SERPINB7: variants seen among roughly 807,000 people sequenced by gnomAD.
The protein encoded by SERPINB7 is serpin family B member 7.
In SERPINB7, 31 loss-of-function variants were observed where a neutral mutation model predicts 37.4. That is an observed-to-expected ratio of 0.83 (90% CI 0.62 to 1.12). The LOEUF is 1.12. Ranked by LOEUF, SERPINB7 falls within the 50% of genes most tolerant of loss-of-function variation. The probability of loss-of-function intolerance (pLI) is 0.00; values close to 1 mark genes in which losing one functional copy is unlikely to be tolerated. For synonymous variants in SERPINB7, 163 were observed against 166.1 expected, an observed-to-expected ratio of 0.98 and a Z score of 0.14; for missense variants, 521 against 455.3, an observed-to-expected ratio of 1.14 and a Z score of -1.31.
chr18:63,755,047 C>T (rs2049113811), intron 1 of SERPINB7, among the ~76,000 whole-genome samples: 1 of 151,992 alleles, frequency 6.6e-6, no homozygotes, highest in Non-Finnish European at 1.5e-5. Context: ...CTACAGGCGC[C>T]CGCCACCGCG....
At chr18:63,801,164 C>A in intron 7 of SERPINB7, 152 bp downstream of exon 7, 4 of 740,586 alleles carry the variant, frequency 5.4e-6, no homozygotes, top group South Asian at 3.8e-5. Flanking sequence ...TTAAGGGGTA[C>A]CTAGTATGAG....
intron 2 of SERPINB7, among the ~76,000 whole-genome samples, chr18:63,789,487 G>T (rs762952644): frequency 2.6e-5 from 4 of 152,088 alleles, no homozygotes; most frequent in Non-Finnish European, 5.9e-5. Flanking sequence ...GGAGTGGAAG[G>T]TCCCTGTTGA....
At chr18:63,753,548 C>T (rs909130180) in intron 1 of SERPINB7, among the ~76,000 whole-genome samples, 1 of 152,130 alleles carries the variant, frequency 6.6e-6, no homozygotes, top group African/African-American at 2.4e-5. Flanking sequence ...CACAGACCTA[C>T]TGATTAAATA....
chr18:63,802,692 A>C (rs1359562075), intron 7 of SERPINB7, among the ~76,000 whole-genome samples: 1 of 152,166 alleles, frequency 6.6e-6, no homozygotes, highest in African/African-American at 2.4e-5. Context: ...AATAATGAAT[A>C]TTTGCTGTGG....
At chr18:63,800,808 G>A in intron 6 of SERPINB7, 58 bp from the exon 7 acceptor site, 1 of 1,579,352 alleles carries the variant, frequency 6.3e-7, no homozygotes, top group African/African-American at 1.4e-5. Context: ...ATATGTATTT[G>A]GTTAATAAAG....
At chr18:63,773,930 A>T (rs2049226643), upstream of SERPINB7, among the ~76,000 whole-genome samples, 1 of 152,134 alleles carries the variant, frequency 6.6e-6, no homozygotes, top group Non-Finnish European at 1.5e-5. Flanking sequence ...TATGTGTGTC[A>T]CGTGGGTCCC....
chr18:63,786,210 G>GTA (rs143561199), intron 2 of SERPINB7, among the ~76,000 whole-genome samples: 8,516 of 64,250 alleles, frequency 0.13, 1,284 homozygotes, highest in Non-Finnish European at 0.19. Context: ...GCACATACGT[G>GTA]TATATATATA....
At chr18:63,793,378 G>T in intron 4 of SERPINB7, 101 bp downstream of exon 4, 1 of 564,722 alleles carries the variant, frequency 1.8e-6, no homozygotes, top group Admixed American at 3.0e-5. Context: ...AGATGGTTTT[G>T]TTTCTCATTG....
chr18:63,789,272 G>A (rs2049402833), intron 2 of SERPINB7, among the ~76,000 whole-genome samples: 1 of 152,062 alleles, frequency 6.6e-6, no homozygotes, highest in African/African-American at 2.4e-5. Context: ...GTTCAAGCTG[G>A]CCACTGCTCA....
chr18:63,783,563 C>T (rs9948584), intron 2 of SERPINB7, among the ~76,000 whole-genome samples: 7,271 of 152,238 alleles, frequency 0.048, 619 homozygotes, highest in African/African-American at 0.17. Flanking sequence ...ATCATCACCA[C>T]CTTCACCGCC....
chr18:63,760,963 A>G (rs1310874363), intron 1 of SERPINB7, among the ~76,000 whole-genome samples: 8 of 152,226 alleles, frequency 5.3e-5, no homozygotes, highest in Non-Finnish European at 4.4e-5. Context: ...CCCCACATAG[A>G]GTCCCTACTG....
At position 63,760,815 on chromosome 18, in the gene SERPINB7, A is replaced by G. The variant is rs1055796621; in HGVS notation, c.-19+7695A>G. Among the ~76,000 whole-genome samples the G allele has an allele frequency of 2.6e-5, 4 of 152,194 alleles. No homozygotes were observed. In the East Asian group the frequency reaches 7.7e-4, roughly 29 times the overall value. On this transcript the variant is annotated intron_variant, in intron 1 of 7. Coordinates refer to the SERPINB7 transcript ENST00000336429. ...GCAGGTTCACAGAAGTCAAGAATTG[A>G]GGTTTGGGAACCTCTGCCTAGATTT...
In SERPINB7 at chr18:63,805,221, T is replaced by C. The variant is rs1055901; in HGVS notation, c.*586T>C. ...AATGCTTTCAATTGACAAATTTTGG[T>C]CTTTCTTTGATAAGACAATATGTAC... On this transcript the variant is annotated 3_prime_UTR_variant, in exon 8 of 8. Coordinates refer to ENST00000398019, the MANE Select transcript of SERPINB7 (RefSeq NM_003784.4). 92,155 of 152,144 alleles carry C rather than the reference T, an allele frequency of 0.61. 29,160 individuals carry two copies. Among genetic ancestry groups the C allele is most frequent in the African/African-American group, 0.78 (32,564 of 41,496 alleles). The allele number at this position is 152,144 out of a possible 1,614,324, so 9.4% of individuals were successfully genotyped here.
intron 2 of SERPINB7, among the ~76,000 whole-genome samples, chr18:63,791,811 C>T (rs544215985): frequency 1.2e-4 from 18 of 152,126 alleles, no homozygotes; most frequent in South Asian, 8.3e-4. Flanking sequence ...GGGTTTTCAC[C>T]GTGTTAGCCA....
intron 1 of SERPINB7, among the ~76,000 whole-genome samples, chr18:63,756,804 TTGTGTG>T (rs74169985): frequency 8.7e-4 from 119 of 137,326 alleles, no homozygotes; most frequent in Admixed American, 3.0e-3. Context: ...TTGGGGTAGC[TTGTGTG>T]TGTGTGTGTG....
intron 1 of SERPINB7, among the ~76,000 whole-genome samples, chr18:63,762,613 TCCC>T (rs145310588): frequency 6.6e-6 from 1 of 151,906 alleles, no homozygotes; most frequent in Non-Finnish European, 1.5e-5. Flanking sequence ...TTGCCTTATT[TCCC>T]CCCCATGATA....
At chr18:63,780,815 C>G (rs897444627) in intron 1 of SERPINB7, among the ~76,000 whole-genome samples, 5 of 152,082 alleles carry the variant, frequency 3.3e-5, no homozygotes, top group African/African-American at 1.2e-4. Flanking sequence ...GGTGTCATGC[C>G]TCAGTGGTGT....
intron 1 of SERPINB7, among the ~76,000 whole-genome samples, chr18:63,757,789 C>G (rs1446934669): frequency 7.9e-5 from 12 of 152,182 alleles, no homozygotes; most frequent in Non-Finnish European, 1.6e-4. Context: ...ATTGCTTAAT[C>G]TTTCATTTAA....
Position 63,793,198 on chromosome 18 carries a change from A to G in SERPINB7, c.257A>G (p.Asp86Gly). 1.2e-6 allele frequency: 2 copies of G among 1,603,570 alleles called. No individual in the cohort carries two copies. Among genetic ancestry groups the G allele is most frequent in the Non-Finnish European group, 1.7e-6 (2 of 1,174,410 alleles). The change falls in exon 4 of 8, where the codon GAT becomes GGT. Residue 86 changes from aspartate (D) to glycine (G), a missense_variant. Physicochemically the swap from Asp to Gly is moderately conservative, Grantham distance 94. Coordinates refer to ENST00000398019, the MANE Select transcript of SERPINB7 (RefSeq NM_003784.4). ...LQSQLKRVFS[D>G]INASHKDYDL... Reference sequence around the variant, plus strand: ...TCTCAACTGAAAAGAGTTTTTTCTGATATAAATGCATCCCACAAGGATTAT... The same window carrying G: ...TCTCAACTGAAAAGAGTTTTTTCTGGTATAAATGCATCCCACAAGGATTAT...
Sources: gnomAD v4.1 joint callset for allele counts (sites outside exome capture counted in the v4.1 genomes callset) on GRCh38, gnomAD v4.1.1 for gene constraint, MANE v1.5 for transcripts, NCBI Gene and HGNC (gene_info 2026-07-23, HGNC 2026-07-21) for gene names.